The following ACOXL variants were observed in gnomAD, a reference collection of about 807,000 sequenced individuals.
ACOXL encodes acyl-coenzyme A oxidase-like protein.
ACOXL carries 70 observed loss-of-function variants against 71.9 expected under a neutral mutation model. That is an observed-to-expected ratio of 0.97 (90% CI 0.80 to 1.19). The LOEUF is 1.19. Among genes scored for constraint, ACOXL ranks in the 50% most tolerant of loss-of-function variants. ACOXL has a pLI of 0.00. For missense variants in ACOXL, 703 were observed against 736.3 expected, an observed-to-expected ratio of 0.95 and a Z score of 0.52; for synonymous variants, 253 against 281.6, an observed-to-expected ratio of 0.90 and a Z score of 1.02.
chr2:110,807,154 C>T (rs1005279342), intron 9 of ACOXL, among the ~76,000 whole-genome samples: 22 of 152,328 alleles, frequency 1.4e-4, no homozygotes, highest in African/African-American at 5.1e-4. Flanking sequence ...AACACGGAGA[C>T]GTGATCATGA....
chr2:110,899,633 A>G (rs2059147353), intron 10 of ACOXL, among the ~76,000 whole-genome samples: 1 of 152,186 alleles, frequency 6.6e-6, no homozygotes, highest in Non-Finnish European at 1.5e-5. Flanking sequence ...TATGAAATTA[A>G]TACAACAGTG....
At chr2:110,920,189 G>A (rs2060014159) in intron 11 of ACOXL, among the ~76,000 whole-genome samples, 1 of 152,198 alleles carries the variant, frequency 6.6e-6, no homozygotes, top group African/African-American at 2.4e-5. Context: ...CATCAGTGAT[G>A]TATAAGGGTG....
chr2:110,876,843 C>T (rs1470231709), intron 10 of ACOXL, among the ~76,000 whole-genome samples: 1 of 152,190 alleles, frequency 6.6e-6, no homozygotes, highest in Non-Finnish European at 1.5e-5. Context: ...CCATGGTGAA[C>T]AAAACTGATG....
rs1288045302 is a variant in ACOXL at position 111,092,862 on chromosome 2, T to C, written c.1441-3T>C. ...ATTTCTTTTGTTTTCCCCCACCCCTTAGTTTTGTCTGTTGTATGGAACCAA... is the reference window on the plus strand; with the variant it reads ...ATTTCTTTTGTTTTCCCCCACCCCTCAGTTTTGTCTGTTGTATGGAACCAA... On this transcript the variant is annotated splice_polypyrimidine_tract_variant and splice_region_variant and intron_variant, in intron 16 of 17. Coordinates refer to ENST00000439055, the MANE Select transcript of ACOXL (RefSeq NM_001142807.4). 6.2e-7 allele frequency: 1 copy of C among 1,611,516 alleles called. No individual in the cohort carries two copies. The highest frequency in any genetic ancestry group is 2.2e-5 in the East Asian group (1 of 44,856).
intron 1 of ACOXL, among the ~76,000 whole-genome samples, chr2:110,763,253 G>C (rs754089885): frequency 6.6e-6 from 1 of 152,188 alleles, no homozygotes; most frequent in African/African-American, 2.4e-5. Context: ...GAAGAACAAA[G>C]TTGGAGGACA....
At chr2:110,904,341 A>G (rs1358592723) in intron 10 of ACOXL, among the ~76,000 whole-genome samples, 2 of 152,190 alleles carry the variant, frequency 1.3e-5, no homozygotes, top group African/African-American at 2.4e-5. Context: ...AATTTTGTTC[A>G]GAGCATCTAA....
intron 17 of ACOXL, among the ~76,000 whole-genome samples, chr2:111,095,721 TTCC>T (rs1157498437): frequency 6.6e-6 from 1 of 152,146 alleles, no homozygotes; most frequent in East Asian, 1.9e-4. Flanking sequence ...GCCACATGCT[TTCC>T]ACACTTCTCA....
chr2:111,108,603 C>T (rs957003212), intron 17 of ACOXL, among the ~76,000 whole-genome samples: 2 of 152,056 alleles, frequency 1.3e-5, no homozygotes, highest in African/African-American at 4.8e-5. Context: ...GGTCTCGTCC[C>T]GACCTCAGGT....
chr2:110,939,540 A>G (rs2060793039), intron 12 of ACOXL, among the ~76,000 whole-genome samples: 1 of 152,240 alleles, frequency 6.6e-6, no homozygotes, highest in African/African-American at 2.4e-5. Context: ...ACCATAATGC[A>G]TTCAATCAAT....
intron 3 of ACOXL, among the ~76,000 whole-genome samples, chr2:110,791,621 A>G (rs988941196): frequency 6.6e-6 from 1 of 152,242 alleles, no homozygotes; most frequent in South Asian, 2.1e-4. Context: ...GGTGTGAATC[A>G]TCTTCCCAGG....
intron 14 of ACOXL, among the ~76,000 whole-genome samples, chr2:111,021,289 G>A (rs1017041088): frequency 6.6e-6 from 1 of 152,190 alleles, no homozygotes; most frequent in African/African-American, 2.4e-5. Context: ...CCCGAATCCG[G>A]GATACAGTCC....
intron 2 of ACOXL, among the ~76,000 whole-genome samples, chr2:110,769,409 G>C (rs537866405): frequency 6.6e-6 from 1 of 152,246 alleles, no homozygotes; most frequent in East Asian, 1.9e-4. Flanking sequence ...TACTTTGGGA[G>C]GCCAAGGTGG....
At chr2:111,057,411 A>G (rs1338801524) in intron 16 of ACOXL, among the ~76,000 whole-genome samples, 1 of 152,194 alleles carries the variant, frequency 6.6e-6, no homozygotes, top group African/African-American at 2.4e-5. Context: ...ATAGCATTCA[A>G]TATTCCTTCC....
chr2:110,928,060 G>A (rs1045158792), intron 11 of ACOXL, among the ~76,000 whole-genome samples: 4 of 152,240 alleles, frequency 2.6e-5, no homozygotes, highest in South Asian at 2.1e-4. Context: ...TATTCCAGGC[G>A]AGCAACTCAA....
intron 14 of ACOXL, among the ~76,000 whole-genome samples, chr2:111,015,156 G>T (rs1310614347): frequency 6.6e-6 from 1 of 152,082 alleles, no homozygotes; most frequent in Admixed American, 6.5e-5. Flanking sequence ...TTCTCTAAAA[G>T]ATATCATTAA....
intron 11 of ACOXL, among the ~76,000 whole-genome samples, chr2:110,914,303 T>G (rs2059758207): frequency 6.6e-6 from 1 of 152,254 alleles, no homozygotes; most frequent in Admixed American, 6.5e-5. Flanking sequence ...TGTGATTGCA[T>G]TGAATCTATA....
chr2:110,821,726 T>A (rs1688625311), intron 9 of ACOXL, among the ~76,000 whole-genome samples: 1 of 152,226 alleles, frequency 6.6e-6, no homozygotes, highest in South Asian at 2.1e-4. Flanking sequence ...GCAGAAATTA[T>A]TTGGAATTCT....
At chr2:111,074,168 T>G (rs1009230293) in intron 16 of ACOXL, among the ~76,000 whole-genome samples, 6 of 151,726 alleles carry the variant, frequency 4.0e-5, no homozygotes, top group East Asian at 1.9e-4. Context: ...GTGTGTTGTT[T>G]TTTTTTTTTT....
At chr2:110,818,866 C>G (rs1688281980) in intron 9 of ACOXL, among the ~76,000 whole-genome samples, 1 of 127,672 alleles carries the variant, frequency 7.8e-6, no homozygotes, top group Non-Finnish European at 1.9e-5. Flanking sequence ...AGCTCGTGAT[C>G]AGCCAAAGCT....
Sources: gnomAD v4.1 joint callset for allele counts (sites outside exome capture counted in the v4.1 genomes callset) on GRCh38, gnomAD v4.1.1 for gene constraint, MANE v1.5 for transcripts, NCBI Gene and HGNC (gene_info 2026-07-23, HGNC 2026-07-21) for gene names.